The following AGO2 variants were observed in gnomAD, a reference collection of about 807,000 sequenced individuals.
The protein encoded by AGO2 is protein argonaute-2.
Under a neutral mutation model 102.3 loss-of-function variants are expected in AGO2, and 5 were observed. The ratio of observed to expected loss-of-function variants is 0.05; its 90% CI spans 0.03 to 0.10. The LOEUF is 0.10. Among genes scored for constraint, AGO2 ranks in the 10% least tolerant of loss-of-function variants. AGO2 has a pLI of 1.00. For synonymous variants in AGO2, 449 were observed against 473.1 expected (o/e 0.95, Z 0.66); for missense variants, 541 against 1,183.7 (o/e 0.46, Z 7.97).
At chr8:140,606,139 A>G (rs1296753731) in intron 1 of AGO2, among the ~76,000 whole-genome samples, 1 of 152,222 alleles carries the variant, frequency 6.6e-6, no homozygotes, top group African/African-American at 2.4e-5. Flanking sequence ...ATAATTAAAT[A>G]TGCCAAGAAA....
At position 140,557,843 on chromosome 8, in the gene AGO2, A is replaced by G. The variant is rs533024579; in HGVS notation, c.879-607T>C. 5.9e-5 allele frequency among the ~76,000 whole-genome samples: 9 copies of G among 152,190 alleles called. No homozygotes were observed. The highest frequency in any genetic ancestry group is 1.3e-4 in the Non-Finnish European group (9 of 68,020). On this transcript the variant is annotated intron_variant, in intron 7 of 18. Coordinates refer to ENST00000220592, the MANE Select transcript of AGO2 (RefSeq NM_012154.5). The surrounding 1 kb of genome is among the most constrained non-coding windows in gnomAD (Gnocchi z 5.9). ...TTCCCCCAATCCAGACTGCCGGGCC[A>G]TCTGCAGCCTCTGCCAGGCCACAGG...
rs1426553326 is a variant in AGO2 at position 140,557,786 on chromosome 8, C to T, written c.879-550G>A. Among the ~76,000 whole-genome samples the T allele has an allele frequency of 6.6e-6, 1 of 152,154 alleles. No homozygotes were observed. Among genetic ancestry groups the T allele is most frequent in the East Asian group, 1.9e-4 (1 of 5,182 alleles). On this transcript the variant is annotated intron_variant, in intron 7 of 18. Coordinates refer to ENST00000220592, the MANE Select transcript of AGO2 (RefSeq NM_012154.5). The surrounding 1 kb of genome is among the most constrained non-coding windows in gnomAD (Gnocchi z 5.9). ...GGGGCTGCTAGTGCAGGGCAAAGGGCCACGTGGCTCAGTTTCTACTGCACA... is the reference window on the plus strand; with the variant it reads ...GGGGCTGCTAGTGCAGGGCAAAGGGTCACGTGGCTCAGTTTCTACTGCACA...
Position 140,598,903 on chromosome 8 carries a change from G to A in AGO2, c.23-13592C>T, listed in dbSNP as rs149253964. On this transcript the variant is annotated intron_variant, in intron 1 of 18. Transcript: ENST00000220592. The stretch of plus-strand genomic sequence containing the variant: ...GCTCGCACCACCAGCCTCCCCATGC[G>A]TTTTCCTGCCTCTGCTTTTGCTCAA... 4.7e-3 allele frequency among the ~76,000 whole-genome samples: 713 copies of A among 152,280 alleles called. 2 individuals carry two copies. Among genetic ancestry groups the A allele is most frequent in the African/African-American group, 0.016 (656 of 41,558 alleles).
Position 140,566,510 on chromosome 8 carries a change from C to T in AGO2, c.337-3876G>A, listed in dbSNP as rs116378467. Among the ~76,000 whole-genome samples the T allele has an allele frequency of 8.7e-4, 133 of 152,166 alleles. 1 individual carries two copies. The highest frequency in any genetic ancestry group is 3.0e-3 in the African/African-American group (125 of 41,498). Reference sequence around the variant, plus strand: ...TCATAATAAAATTCTAAATAAGTCACACACAAGTAACAGTAACTGAAAATG... The same window carrying T: ...TCATAATAAAATTCTAAATAAGTCATACACAAGTAACAGTAACTGAAAATG... On this transcript the variant is annotated intron_variant, in intron 3 of 18. Coordinates refer to ENST00000220592, the MANE Select transcript of AGO2 (RefSeq NM_012154.5).
chr8:140,550,525 C>G (rs2072977329), intron 11 of AGO2, among the ~76,000 whole-genome samples: 1 of 152,182 alleles, frequency 6.6e-6, no homozygotes, highest in African/African-American at 2.4e-5. Context: ...GTGGCAGAGA[C>G]CTGAACCAAC....
At chr8:140,555,298 T>C (rs1441007104) in intron 10 of AGO2, 1 of 152,368 alleles carries the variant, frequency 6.6e-6, no homozygotes, top group Non-Finnish European at 1.5e-5. Context: ...GGCTCAGTGT[T>C]CAGGACACCT....
intron 13 of AGO2, among the ~76,000 whole-genome samples, chr8:140,546,976 G>A (rs574549691): frequency 3.9e-5 from 6 of 152,302 alleles, no homozygotes; most frequent in Admixed American, 6.5e-5. Context: ...CTCTGAGACC[G>A]GCAGGTGGCC....
chr8:140,548,511 G>C (rs896202713), intron 12 of AGO2, among the ~76,000 whole-genome samples: 5 of 152,096 alleles, frequency 3.3e-5, no homozygotes, highest in African/African-American at 1.2e-4. Context: ...GAAGCAACTG[G>C]TCAGCTGCTC....
At chr8:140,561,659 T>C (rs1455770858) in intron 4 of AGO2, among the ~76,000 whole-genome samples, 5 of 152,212 alleles carry the variant, frequency 3.3e-5, no homozygotes, top group Non-Finnish European at 7.3e-5. Context: ...GAGAACACCA[T>C]GGTCCCTTCT....
rs118159219 is a variant in AGO2 at position 140,632,622 on chromosome 8, A to G, written c.22+2863T>C. ...GGGGGCAGGCAATCACTAGACACAGATCAAGACCTTTAAATGGTTAAAAAA... is the reference window on the plus strand; with the variant it reads ...GGGGGCAGGCAATCACTAGACACAGGTCAAGACCTTTAAATGGTTAAAAAA... On this transcript the variant is annotated intron_variant, in intron 1 of 18. Coordinates refer to ENST00000220592, the MANE Select transcript of AGO2 (RefSeq NM_012154.5). Among the ~76,000 whole-genome samples the G allele has an allele frequency of 6.9e-3, 1,051 of 152,354 alleles. 2 individuals carry two copies. The highest frequency in any genetic ancestry group is 0.01 in the Middle Eastern group (3 of 294).
At chr8:140,605,987 C>G (rs955991751) in intron 1 of AGO2, 2 of 152,214 alleles carry the variant, frequency 1.3e-5, no homozygotes, top group African/African-American at 4.8e-5. Flanking sequence ...GCCTTCGAGG[C>G]TCCAAATATA....
At chr8:140,552,269 C>T (rs1005932241) in intron 10 of AGO2, among the ~76,000 whole-genome samples, 3 of 152,228 alleles carry the variant, frequency 2.0e-5, no homozygotes, top group Admixed American at 1.3e-4. Context: ...GCTACTTCCA[C>T]TTGAGAAGAG....
intron 1 of AGO2, among the ~76,000 whole-genome samples, chr8:140,610,259 A>G (rs955968309): frequency 6.6e-6 from 1 of 152,026 alleles, no homozygotes; most frequent in African/African-American, 2.4e-5. Context: ...CGGCAAAGAC[A>G]AGAGATCAGG....
At chr8:140,541,668 C>T (rs543627321) in intron 14 of AGO2, among the ~76,000 whole-genome samples, 13 of 152,270 alleles carry the variant, frequency 8.5e-5, no homozygotes, top group South Asian at 6.2e-4. Context: ...CTTTGGAGGC[C>T]GAGATGGGCG....
chr8:140,552,740 G>GCGCGCGCACA lies in AGO2; in HGVS notation c.1270-1305_1270-1304insTGTGCGCGCG, dbSNP rs111262864. ...CACACGCACATGCACGCGCGCGCGC[G>GCGCGCGCACA]CACACACACACACACACACACACAC... On this transcript the variant is annotated intron_variant, in intron 10 of 18. Coordinates refer to ENST00000220592, the MANE Select transcript of AGO2 (RefSeq NM_012154.5). Among the ~76,000 whole-genome samples, 507 of 130,916 alleles carry GCGCGCGCACA rather than the reference G, an allele frequency of 3.9e-3. 1 individual carries two copies. The highest frequency in any genetic ancestry group is 5.4e-3 in the South Asian group (23 of 4,222). The allele number at this position is 130,916 out of a possible 152,430, so 85.9% of individuals were successfully genotyped here.
intron 1 of AGO2, among the ~76,000 whole-genome samples, chr8:140,604,421 G>A (rs766038060): frequency 2.6e-5 from 4 of 152,220 alleles, no homozygotes; most frequent in Admixed American, 6.5e-5. Context: ...GGCTGGGCGC[G>A]GTGGCTCACG....
At chr8:140,593,876 G>A (rs188625725) in intron 1 of AGO2, among the ~76,000 whole-genome samples, 5 of 152,212 alleles carry the variant, frequency 3.3e-5, no homozygotes, top group Admixed American at 2.6e-4. Context: ...ACCAAGCCAC[G>A]CTGCCTTGAA....
intron 3 of AGO2, among the ~76,000 whole-genome samples, chr8:140,566,900 T>C (rs1049177390): frequency 1.3e-5 from 2 of 152,160 alleles, no homozygotes; most frequent in African/African-American, 4.8e-5. Flanking sequence ...CACGTCCAGG[T>C]CACGGCGTGC....
intron 1 of AGO2, among the ~76,000 whole-genome samples, chr8:140,599,607 C>T (rs1047967824): frequency 2.6e-5 from 4 of 152,192 alleles, no homozygotes; most frequent in African/African-American, 4.8e-5. Flanking sequence ...AAATTTCACA[C>T]GCTCACCCGG....
Sources: gnomAD v4.1 joint callset for allele counts (sites outside exome capture counted in the v4.1 genomes callset) on GRCh38, gnomAD v4.1.1 for gene constraint, Gnocchi (gnomAD v3.1) non-coding constraint, MANE v1.5 for transcripts, NCBI Gene and HGNC (gene_info 2026-07-23, HGNC 2026-07-21) for gene names.